Variants in VSNL1 observed in about 807,000 individuals in gnomAD.
VSNL1 encodes visinin like 1, also known as visinin-like protein 1.
Under a neutral mutation model 20.4 loss-of-function variants are expected in VSNL1, and 6 were observed. That is an observed-to-expected ratio of 0.29 (90% confidence interval 0.16 to 0.58). The LOEUF is 0.58. Ranked by LOEUF, VSNL1 falls within the 20% of genes least tolerant of loss-of-function variation. VSNL1 has a pLI of 0.90. For missense variants in VSNL1, 100 were observed against 234.5 expected, an observed-to-expected ratio of 0.43 and a Z score of 3.75; for synonymous variants, 93 against 86.4, an observed-to-expected ratio of 1.08 and a Z score of -0.42.
chr2:17,548,564 G>A (rs1406522901), intron 1 of VSNL1, among the ~76,000 whole-genome samples: 1 of 152,084 alleles, frequency 6.6e-6, no homozygotes, highest in Non-Finnish European at 1.5e-5. Context: ...TCCTAATATA[G>A]TGATGTGTAT....
At chr2:17,618,488 A>T (rs530594346) in intron 2 of VSNL1, among the ~76,000 whole-genome samples, 2 of 152,358 alleles carry the variant, frequency 1.3e-5, no homozygotes, top group South Asian at 4.1e-4. Context: ...TAATCCAGAA[A>T]TAATTTCCAC....
intron 2 of VSNL1, among the ~76,000 whole-genome samples, chr2:17,608,573 G>A (rs1665007537): frequency 6.6e-6 from 1 of 152,194 alleles, no homozygotes; most frequent in Non-Finnish European, 1.5e-5. Context: ...ACAGAGTTGT[G>A]GCTGTTGTCT....
intron 2 of VSNL1, among the ~76,000 whole-genome samples, chr2:17,597,841 A>G (rs1000494806): frequency 6.6e-6 from 1 of 152,224 alleles, no homozygotes; most frequent in African/African-American, 2.4e-5. Context: ...GAATTGGTGT[A>G]TCATCTTATT....
At chr2:17,637,043 G>A (rs947444911) in intron 2 of VSNL1, among the ~76,000 whole-genome samples, 1 of 152,148 alleles carries the variant, frequency 6.6e-6, no homozygotes, top group Non-Finnish European at 1.5e-5. Flanking sequence ...TCGCCCACCC[G>A]GATCTAGTCC....
At chr2:17,603,911 G>A (rs573822580) in intron 2 of VSNL1, among the ~76,000 whole-genome samples, 1 of 152,300 alleles carries the variant, frequency 6.6e-6, no homozygotes, top group Admixed American at 6.5e-5. Flanking sequence ...ATGACTTAGA[G>A]CCCAAGATGA....
At chr2:17,571,513 T>C (rs1572339415) in intron 1 of VSNL1, among the ~76,000 whole-genome samples, 1 of 152,346 alleles carries the variant, frequency 6.6e-6, no homozygotes, top group South Asian at 2.1e-4. Context: ...CACATTTATA[T>C]ATTAATACCA....
chr2:17,653,885 C>T (rs559092098), intron 3 of VSNL1, among the ~76,000 whole-genome samples: 81 of 152,248 alleles, frequency 5.3e-4, no homozygotes, highest in Middle Eastern at 3.4e-3. Context: ...CCCAAAGGCC[C>T]GCTCCCACCC....
At position 17,649,295 on chromosome 2, in the gene VSNL1, T is replaced by C. The variant is rs1012811191; in HGVS notation, c.163-115T>C. The C allele has an allele frequency of 1.5e-5, 15 of 1,019,302 alleles. No homozygotes were observed. Among genetic ancestry groups the C allele is most frequent in the Admixed American group, 1.9e-5 (1 of 53,514 alleles). The allele number at this position is 1,019,302 out of a possible 1,614,324, so 63.1% of individuals were successfully genotyped here. ...ACAGTCAGGCCAAACTGCTCTCCAA[T>C]GGGTGAGGCTCCGACAACGCCCAGG... On this transcript the variant is annotated intron_variant, in intron 2 of 3. Transcript: ENST00000295156. This position sits in a 1 kb window ranked among gnomAD's most constrained non-coding sequence, Gnocchi z 6.4.
intron 2 of VSNL1, among the ~76,000 whole-genome samples, chr2:17,610,967 TAAAGG>T (rs1201173896): frequency 6.6e-6 from 1 of 151,622 alleles, no homozygotes; most frequent in Non-Finnish European, 1.5e-5. Context: ...TTCAGAAAAA[TAAAGG>T]AAAGGGAAAA....
intron 2 of VSNL1, among the ~76,000 whole-genome samples, chr2:17,646,189 G>T (rs1347331059): frequency 1.3e-5 from 2 of 152,178 alleles, no homozygotes. Flanking sequence ...TTGAGTTAAA[G>T]AATGAGTCAG....
At chr2:17,570,820 G>A (rs1664062482) in intron 1 of VSNL1, among the ~76,000 whole-genome samples, 1 of 152,184 alleles carries the variant, frequency 6.6e-6, no homozygotes, top group Non-Finnish European at 1.5e-5. Context: ...GCCGAGGTGG[G>A]TGGATCATGA....
At chr2:17,569,044 A>T (rs899891259) in intron 1 of VSNL1, among the ~76,000 whole-genome samples, 2 of 152,102 alleles carry the variant, frequency 1.3e-5, no homozygotes, top group Non-Finnish European at 2.9e-5. Context: ...ATGGTGGCTC[A>T]CTCCTGTAAT....
chr2:17,614,342 C>T (rs34088560), intron 2 of VSNL1, among the ~76,000 whole-genome samples: 11,453 of 152,334 alleles, frequency 0.075, 607 homozygotes, highest in Non-Finnish European at 0.11. Flanking sequence ...ATAATGAATC[C>T]TGTTGGCAGA....
In VSNL1 at chr2:17,649,727, C is replaced by T. The variant is rs1666083998; in HGVS notation, c.378+102C>T. ...GTGGCTTCTTCTCTCTCTGCTCGAG[C>T]CCTGCCAGCTGCACACCACGCCTGG... On this transcript the variant is annotated intron_variant, in intron 3 of 3. Coordinates refer to ENST00000295156, the MANE Select transcript of VSNL1 (RefSeq NM_003385.5). This position sits in a 1 kb window ranked among gnomAD's most constrained non-coding sequence, Gnocchi z 6.4. The T allele has an allele frequency of 2.7e-6, 3 of 1,102,266 alleles. No individual in the cohort carries two copies. Among genetic ancestry groups the T allele is most frequent in the Non-Finnish European group, 4.0e-6 (3 of 753,342 alleles). 68.3% of individuals were successfully genotyped at this position (1,102,266 alleles called of 1,614,324 possible).
In VSNL1 at chr2:17,649,275, C is replaced by T; in HGVS notation, c.163-135C>T. 1 of 813,520 alleles carries T rather than the reference C, an allele frequency of 1.2e-6. No individual in the cohort carries two copies. Among genetic ancestry groups the T allele is most frequent in the Middle Eastern group, 3.4e-4 (1 of 2,968 alleles). 50.4% of individuals were successfully genotyped at this position (813,520 alleles called of 1,614,324 possible). ...AATGCCTGCCCTTGCCCTTGACAGT[C>T]AGGCCAAACTGCTCTCCAATGGGTG... On this transcript the variant is annotated intron_variant, in intron 2 of 3. Coordinates refer to ENST00000295156, the MANE Select transcript of VSNL1 (RefSeq NM_003385.5). The surrounding 1 kb of genome is among the most constrained non-coding windows in gnomAD (Gnocchi z 6.4).
intron 2 of VSNL1, among the ~76,000 whole-genome samples, chr2:17,602,127 C>A (rs1178837219): frequency 2.0e-5 from 3 of 152,162 alleles, no homozygotes; most frequent in Admixed American, 2.0e-4. Context: ...CTGTGAATGA[C>A]CAACTCACCT....
At chr2:17,605,647 G>A (rs989327213) in intron 2 of VSNL1, among the ~76,000 whole-genome samples, 1 of 152,092 alleles carries the variant, frequency 6.6e-6, no homozygotes, top group African/African-American at 2.4e-5. Context: ...CCCCCTCTCA[G>A]GGCTGACCCA....
chr2:17,613,642 A>G (rs1278400920), intron 2 of VSNL1, among the ~76,000 whole-genome samples: 5 of 152,140 alleles, frequency 3.3e-5, no homozygotes, highest in African/African-American at 1.2e-4. Flanking sequence ...TTCACTCATC[A>G]TTACGCCCAG....
At chr2:17,607,735 T>C (rs112352305) in intron 2 of VSNL1, among the ~76,000 whole-genome samples, 21 of 152,318 alleles carry the variant, frequency 1.4e-4, no homozygotes, top group African/African-American at 4.8e-4. Context: ...CAAAAATTAG[T>C]TGGATGAAAT....
Sources: gnomAD v4.1 joint callset for allele counts (sites outside exome capture counted in the v4.1 genomes callset) on GRCh38, gnomAD v4.1.1 for gene constraint, Gnocchi (gnomAD v3.1) non-coding constraint, MANE v1.5 for transcripts, NCBI Gene and HGNC (gene_info 2026-07-23, HGNC 2026-07-21) for gene names.